The following SPOCK1 variants were observed in gnomAD, a reference collection of about 807,000 sequenced individuals.
SPOCK1 encodes the protein SPARC (osteonectin), cwcv and kazal like domains proteoglycan 1.
In SPOCK1, 23 loss-of-function variants were observed where a neutral mutation model predicts 55.3. The observed-to-expected ratio is 0.42, with a 90% confidence interval of 0.30 to 0.59. SPOCK1 has a LOEUF of 0.59. Among genes scored for constraint, SPOCK1 ranks in the 20% least tolerant of loss-of-function variants. The pLI is 0.22. For synonymous variants in SPOCK1, 226 were observed against 221.0 expected (o/e 1.02, Z -0.20); for missense variants, 499 against 552.5 (o/e 0.90, Z 0.97).
At chr5:137,052,188 T>A (rs1427288654) in intron 6 of SPOCK1, among the ~76,000 whole-genome samples, 1 of 152,198 alleles carries the variant, frequency 6.6e-6, no homozygotes, top group Admixed American at 6.5e-5. Flanking sequence ...CTGGTTCCCT[T>A]ATGATTGAGG....
intron 6 of SPOCK1, among the ~76,000 whole-genome samples, chr5:137,020,053 G>C (rs1400534105): frequency 2.0e-5 from 3 of 151,660 alleles, no homozygotes; most frequent in Admixed American, 6.6e-5. Flanking sequence ...ATAGAATAGG[G>C]TGGTTATCTT....
intron 2 of SPOCK1, among the ~76,000 whole-genome samples, chr5:137,338,507 G>A (rs1481481805): frequency 6.6e-6 from 1 of 152,030 alleles, no homozygotes; most frequent in Admixed American, 6.5e-5. Context: ...ATAGCAGCAT[G>A]ATTTATAATC....
intron 2 of SPOCK1, among the ~76,000 whole-genome samples, chr5:137,478,347 C>T (rs537141572): frequency 2.6e-5 from 4 of 152,276 alleles, no homozygotes; most frequent in African/African-American, 9.6e-5. Flanking sequence ...GCCTGAGACA[C>T]AATCTCTTGT....
chr5:137,413,498 C>T (rs972636143), intron 2 of SPOCK1, among the ~76,000 whole-genome samples: 1 of 150,274 alleles, frequency 6.7e-6, no homozygotes, highest in African/African-American at 2.5e-5. Flanking sequence ...TTTCTATTCA[C>T]TTACTAGGGT....
At chr5:137,316,942 C>A (rs912340937) in intron 2 of SPOCK1, among the ~76,000 whole-genome samples, 9 of 152,310 alleles carry the variant, frequency 5.9e-5, no homozygotes, top group African/African-American at 2.2e-4. Flanking sequence ...CCCCATGGTG[C>A]CTCATCATCT....
chr5:137,274,576 G>T (rs561859959), intron 2 of SPOCK1, among the ~76,000 whole-genome samples: 6 of 152,170 alleles, frequency 3.9e-5, no homozygotes, highest in Non-Finnish European at 8.8e-5. Flanking sequence ...ATTTCCTGAG[G>T]TTTACAGTAG....
intron 3 of SPOCK1, among the ~76,000 whole-genome samples, chr5:137,236,057 T>C (rs1756174558): frequency 6.6e-6 from 1 of 152,322 alleles, no homozygotes; most frequent in South Asian, 2.1e-4. Flanking sequence ...TCTGTAGGGC[T>C]TAGAAAAAAA....
intron 6 of SPOCK1, among the ~76,000 whole-genome samples, chr5:137,063,371 C>CAAA (rs1057483063): frequency 7.4e-6 from 1 of 134,752 alleles, no homozygotes; most frequent in African/African-American, 2.9e-5. Context: ...ACAAAGAGAA[C>CAAA]AACAACAACA....
intron 2 of SPOCK1, among the ~76,000 whole-genome samples, chr5:137,417,763 A>T (rs6596377): frequency 1 from 152,206 of 152,372 alleles, 76,020 homozygotes; most frequent in Middle Eastern, 1. Context: ...TTTTTTGGAA[A>T]GTTTTTCTAT....
intron 2 of SPOCK1, among the ~76,000 whole-genome samples, chr5:137,420,530 T>G (rs1490360337): frequency 6.6e-6 from 1 of 152,038 alleles, no homozygotes; most frequent in Admixed American, 6.5e-5. Context: ...GCTTGGGAGT[T>G]TGTATGTGTC....
intron 3 of SPOCK1, among the ~76,000 whole-genome samples, chr5:137,242,842 C>T (rs928679663): frequency 9.2e-5 from 14 of 152,060 alleles, no homozygotes; most frequent in Non-Finnish European, 1.5e-4. Flanking sequence ...AAAAGCAGGG[C>T]GGAGAACATT....
rs1237701512 is a variant in SPOCK1 at position 136,978,178 on chromosome 5, TAC to T, written c.*474_*475del. 5.4e-6 allele frequency: 2 copies of T among 372,142 alleles called. No individual in the cohort carries two copies. The highest frequency in any genetic ancestry group is 4.2e-5 in the African/African-American group (2 of 48,040). The allele number at this position is 372,142 out of a possible 1,614,324, so 23.1% of individuals were successfully genotyped here. A position where few individuals can be genotyped will look rare whatever the true frequency, so the allele number is the denominator to read the frequency against. On this transcript the variant is annotated 3_prime_UTR_variant, in exon 11 of 11. Coordinates refer to ENST00000394945, the MANE Select transcript of SPOCK1 (RefSeq NM_004598.4). ...CAGTAACGGGGGCAGGGGGAAAAAG[TAC>T]AGTGTGGTGTATTTTTTGTTTTTTT...
intron 2 of SPOCK1, among the ~76,000 whole-genome samples, chr5:137,279,631 G>C (rs1757132461): frequency 6.6e-6 from 1 of 152,202 alleles, no homozygotes. Flanking sequence ...TCTACTCAGT[G>C]TCTCCTGCAC....
intron 2 of SPOCK1, among the ~76,000 whole-genome samples, chr5:137,399,038 T>C (rs1751917377): frequency 6.6e-6 from 1 of 151,748 alleles, no homozygotes; most frequent in African/African-American, 2.4e-5. Context: ...GCTTATGCAA[T>C]GAAAGGCAAG....
At chr5:137,209,453 G>A (rs375218753) in intron 3 of SPOCK1, among the ~76,000 whole-genome samples, 25 of 152,266 alleles carry the variant, frequency 1.6e-4, no homozygotes, top group East Asian at 1.3e-3. Flanking sequence ...TAGAAACACC[G>A]TAAATATCCT....
intron 6 of SPOCK1, among the ~76,000 whole-genome samples, chr5:136,999,544 G>C (rs1437147640): frequency 6.6e-6 from 1 of 152,222 alleles, no homozygotes; most frequent in East Asian, 1.9e-4. Context: ...GGCTATAACT[G>C]GTGTTCCACG....
intron 3 of SPOCK1, among the ~76,000 whole-genome samples, chr5:137,153,593 C>G (rs1754359042): frequency 6.6e-6 from 1 of 152,124 alleles, no homozygotes; most frequent in Non-Finnish European, 1.5e-5. Flanking sequence ...GTGGCTCATA[C>G]CTGTAATCCC....
chr5:137,355,459 G>T (rs1277300619), intron 2 of SPOCK1, among the ~76,000 whole-genome samples: 1 of 152,178 alleles, frequency 6.6e-6, no homozygotes, highest in Non-Finnish European at 1.5e-5. Context: ...AAAGTGCTGG[G>T]ATTACAGGAA....
chr5:137,195,185 T>C (rs1471559502), intron 3 of SPOCK1, among the ~76,000 whole-genome samples: 1 of 152,238 alleles, frequency 6.6e-6, no homozygotes, highest in Admixed American at 6.5e-5. Flanking sequence ...GTCCTTTTAA[T>C]GCCCCTTCAT....
Sources: allele counts gnomAD v4.1 joint callset (sites outside exome capture counted in the v4.1 genomes callset), GRCh38; gene constraint gnomAD v4.1.1; transcripts MANE v1.5; gene names NCBI Gene and HGNC (gene_info 2026-07-23, HGNC 2026-07-21).